ROBO2: variants seen among roughly 807,000 people sequenced by gnomAD.
ROBO2 encodes roundabout homolog 2.
Under a neutral mutation model 160.8 loss-of-function variants are expected in ROBO2, and 53 were observed. The observed-to-expected ratio is 0.33, with a 90% CI of 0.26 to 0.41. The LOEUF (loss-of-function observed/expected upper bound fraction) is 0.41. ROBO2 is among the 10% of genes least tolerant of loss of function. The probability of loss-of-function intolerance (pLI) is 1.00; values close to 1 mark genes in which losing one functional copy is unlikely to be tolerated. For synonymous variants in ROBO2, 664 were observed against 611.7 expected, an observed-to-expected ratio of 1.09 and a Z score of -1.26; for missense variants, 1,577 against 1,722.4, an observed-to-expected ratio of 0.92 and a Z score of 1.49.
chr3:77,465,690 T>C (rs551947435), intron 2 of ROBO2, among the ~76,000 whole-genome samples: 6 of 152,186 alleles, frequency 3.9e-5, no homozygotes, highest in Non-Finnish European at 8.8e-5. Flanking sequence ...ATTTACATAC[T>C]TTTGGGTAAA....
intron 15 of ROBO2, 69 bp from the exon 17 acceptor site, chr3:77,579,878 G>A: frequency 7.3e-7 from 1 of 1,370,774 alleles, no homozygotes; most frequent in Admixed American, 1.7e-5. Flanking sequence ...TATTTGATCA[G>A]TTACAGTAGT....
intron 2 of ROBO2, among the ~76,000 whole-genome samples, chr3:76,109,266 T>G (rs555058602): frequency 1.2e-4 from 19 of 152,166 alleles, no homozygotes; most frequent in African/African-American, 4.1e-4. Flanking sequence ...ATAATGCTTC[T>G]TTTGAGTTGC....
intron 2 of ROBO2, among the ~76,000 whole-genome samples, chr3:77,202,666 C>T (rs1300387009): frequency 5.3e-5 from 8 of 152,148 alleles, no homozygotes. Context: ...TCTTTTCCAT[C>T]TTCCTTCCTC....
chr3:76,319,451 T>C (rs1037276698), intron 2 of ROBO2, among the ~76,000 whole-genome samples: 12 of 152,104 alleles, frequency 7.9e-5, no homozygotes, highest in African/African-American at 2.2e-4. Flanking sequence ...TTTTTTTCTT[T>C]CTTGGGAAGG....
At chr3:76,435,030 G>A (rs1243787995) in intron 2 of ROBO2, 9 of 1,385,032 alleles carry the variant, frequency 6.5e-6, no homozygotes, top group Non-Finnish European at 9.3e-6. Context: ...GGTGATTGAG[G>A]ATGCAGAGCT....
intron 2 of ROBO2, among the ~76,000 whole-genome samples, chr3:76,041,509 G>A (rs2067273025): frequency 3.3e-5 from 5 of 151,918 alleles, no homozygotes; most frequent in Admixed American, 3.3e-4. Context: ...TATGTCAAAT[G>A]CATTATTTTA....
At chr3:75,935,879 G>A (rs1362663496) in intron 1 of ROBO2, among the ~76,000 whole-genome samples, 1 of 152,102 alleles carries the variant, frequency 6.6e-6, no homozygotes, top group Admixed American at 6.6e-5. Flanking sequence ...CTCCACAAGA[G>A]TACCCATAAC....
chr3:76,460,833 C>T (rs6785258), intron 2 of ROBO2, among the ~76,000 whole-genome samples: 1 of 151,970 alleles, frequency 6.6e-6, no homozygotes, highest in Non-Finnish European at 1.5e-5. Context: ...CTGGAATAAT[C>T]TGTGATGCAG....
chr3:77,144,149 A>ATTTCTAACTT (rs1291737583), intron 2 of ROBO2, among the ~76,000 whole-genome samples: 4 of 152,112 alleles, frequency 2.6e-5, no homozygotes, highest in Admixed American at 6.5e-5. Context: ...AGTAATGTTT[A>ATTTCTAACTT]TTTCTAACTT....
intron 2 of ROBO2, among the ~76,000 whole-genome samples, chr3:77,414,544 A>G (rs1406717703): frequency 2.6e-5 from 4 of 152,232 alleles, no homozygotes; most frequent in Non-Finnish European, 4.4e-5. Flanking sequence ...GATACAGCAG[A>G]GAGGGGGAAA....
At chr3:76,758,895 G>C (rs2061140608) in intron 2 of ROBO2, among the ~76,000 whole-genome samples, 1 of 151,772 alleles carries the variant, frequency 6.6e-6, no homozygotes, top group Admixed American at 6.6e-5. Context: ...ATAAATGATA[G>C]ATGTATATAA....
At chr3:77,211,005 T>G (rs1580010100) in intron 2 of ROBO2, among the ~76,000 whole-genome samples, 1 of 152,212 alleles carries the variant, frequency 6.6e-6, no homozygotes, top group Non-Finnish European at 1.5e-5. Flanking sequence ...ACATTTGGGT[T>G]GGTTCCAAGT....
chr3:76,734,606 T>C (rs1181769542), intron 2 of ROBO2, among the ~76,000 whole-genome samples: 1 of 152,178 alleles, frequency 6.6e-6, no homozygotes, highest in Non-Finnish European at 1.5e-5. Context: ...TTAGACCGCC[T>C]TGGCTCAGGT....
chr3:77,498,678 T>C (rs1171700899), intron 5 of ROBO2, among the ~76,000 whole-genome samples: 1 of 152,110 alleles, frequency 6.6e-6, no homozygotes, highest in Non-Finnish European at 1.5e-5. Flanking sequence ...AAAATGTGTT[T>C]AGATTAATTG....
At chr3:77,459,863 A>T (rs1356409914) in intron 2 of ROBO2, among the ~76,000 whole-genome samples, 2 of 145,070 alleles carry the variant, frequency 1.4e-5, no homozygotes, top group Non-Finnish European at 3.0e-5. Flanking sequence ...AGATACTACG[A>T]GATGAGAGGT....
intron 2 of ROBO2, among the ~76,000 whole-genome samples, chr3:76,851,183 C>T (rs2069306934): frequency 6.6e-6 from 1 of 152,142 alleles, no homozygotes; most frequent in South Asian, 2.1e-4. Flanking sequence ...CAATAGGTAG[C>T]CAACTAGCCC....
At chr3:76,048,725 T>G (rs2067538963) in intron 2 of ROBO2, among the ~76,000 whole-genome samples, 1 of 152,154 alleles carries the variant, frequency 6.6e-6, no homozygotes, top group Non-Finnish European at 1.5e-5. Flanking sequence ...CTTAGACACA[T>G]GTGCATCAGG....
At chr3:76,461,422 C>T (rs2078081036) in intron 2 of ROBO2, among the ~76,000 whole-genome samples, 1 of 151,766 alleles carries the variant, frequency 6.6e-6, no homozygotes, top group Admixed American at 6.6e-5. Context: ...TATTGTAGAA[C>T]AATAATAAGA....
At chr3:76,868,199 A>G (rs1018736290) in intron 2 of ROBO2, among the ~76,000 whole-genome samples, 1 of 151,952 alleles carries the variant, frequency 6.6e-6, no homozygotes, top group Non-Finnish European at 1.5e-5. Context: ...TTTCTCAGCA[A>G]CCTCCCTAAT....
Sources: gnomAD v4.1 joint callset for allele counts (sites outside exome capture counted in the v4.1 genomes callset) on GRCh38, gnomAD v4.1.1 for gene constraint, MANE v1.5 for transcripts, NCBI Gene and HGNC (gene_info 2026-07-23, HGNC 2026-07-21) for gene names.